Variants in NRG3 observed in about 807,000 individuals in gnomAD.
NRG3 encodes the protein neuregulin 3, also known as pro-neuregulin-3, membrane-bound isoform.
A neutral mutation model predicts 66.9 loss-of-function variants in NRG3; 31 were observed. The ratio of observed to expected loss-of-function variants is 0.46; its 90% CI spans 0.35 to 0.63. NRG3 has a LOEUF of 0.63. Ranked by LOEUF, NRG3 falls within the 20% of genes least tolerant of loss-of-function variation. The pLI is 0.00. For missense variants in NRG3, 910 were observed against 878.9 expected (o/e 1.04, Z -0.45); for synonymous variants, 393 against 359.4 (o/e 1.09, Z -1.06).
chr10:82,433,082 A>G (rs551950508), intron 2 of NRG3, among the ~76,000 whole-genome samples: 127 of 152,196 alleles, frequency 8.3e-4, no homozygotes, highest in Non-Finnish European at 1.0e-3. Flanking sequence ...TTCCACAAAC[A>G]GTGTAAAAGC....
chr10:82,211,859 A>G (rs2075408899), intron 1 of NRG3, among the ~76,000 whole-genome samples: 1 of 152,172 alleles, frequency 6.6e-6, no homozygotes, highest in African/African-American at 2.4e-5. Flanking sequence ...TAGAGGGACC[A>G]TAACACACCC....
chr10:82,967,618 C>T (rs564768655), intron 6 of NRG3, among the ~76,000 whole-genome samples: 6 of 152,252 alleles, frequency 3.9e-5, no homozygotes, highest in East Asian at 3.9e-4. Flanking sequence ...TCCTCTCTTA[C>T]GTGAGACGGA....
At chr10:82,549,571 T>G (rs2044166835) in intron 2 of NRG3, among the ~76,000 whole-genome samples, 1 of 152,212 alleles carries the variant, frequency 6.6e-6, no homozygotes, top group African/African-American at 2.4e-5. Context: ...CCTGAGATTC[T>G]GCTATATTAC....
Position 82,216,573 on chromosome 10 carries a change from G to GGTGT in NRG3, c.824-142147_824-142144dup, listed in dbSNP as rs367590464. On this transcript the variant is annotated intron_variant, in intron 1 of 8. Transcript: ENST00000372141. Reference sequence around the variant, plus strand: ...GTATACATATGTATGTATATATCTGGGTGTGTGTGTGTGTGTGTGTGTATA... The same window carrying GGTGT: ...GTATACATATGTATGTATATATCTGGGTGTGTGTGTGTGTGTGTGTGTGTGTATA... Among the ~76,000 whole-genome samples the GGTGT allele has an allele frequency of 3.2e-3, 381 of 119,444 alleles. 4 individuals carry two copies. In the South Asian group the frequency reaches 0.034, roughly 11 times the overall value. 78.4% of individuals were successfully genotyped at this position (119,444 alleles called of 152,430 possible). A position where few individuals can be genotyped will look rare whatever the true frequency, so the allele number is the denominator to read the frequency against.
intron 4 of NRG3, among the ~76,000 whole-genome samples, chr10:82,867,416 G>T (rs1840861738): frequency 1.3e-5 from 2 of 152,144 alleles, no homozygotes; most frequent in African/African-American, 4.8e-5. Flanking sequence ...ACTTCATTTT[G>T]CTGTAAAAGA....
At chr10:82,762,913 A>G (rs750808140) in intron 3 of NRG3, among the ~76,000 whole-genome samples, 12 of 152,234 alleles carry the variant, frequency 7.9e-5, no homozygotes, top group Admixed American at 4.6e-4. Context: ...CTCTGCCCTC[A>G]TGAATGGATT....
chr10:82,047,976 C>G (rs11192299), intron 1 of NRG3, among the ~76,000 whole-genome samples: 21,866 of 151,622 alleles, frequency 0.14, 1,907 homozygotes, highest in East Asian at 0.27. Flanking sequence ...AGAGTTTAAA[C>G]CAACAAAGAT....
At chr10:82,368,553 C>T (rs951013307) in intron 2 of NRG3, among the ~76,000 whole-genome samples, 9 of 137,654 alleles carry the variant, frequency 6.5e-5, no homozygotes, top group Non-Finnish European at 1.0e-4. Context: ...ACAGTTTAGG[C>T]CATTCCTGCT....
intron 1 of NRG3, among the ~76,000 whole-genome samples, chr10:82,037,945 T>A (rs1278989055): frequency 1.3e-5 from 2 of 150,004 alleles, no homozygotes; most frequent in African/African-American, 4.9e-5. Context: ...GCCTCAAAAG[T>A]CGTGGAAAGG....
chr10:82,792,672 G>T (rs982584712), intron 3 of NRG3, among the ~76,000 whole-genome samples: 1 of 151,664 alleles, frequency 6.6e-6, no homozygotes, highest in Admixed American at 6.6e-5. Flanking sequence ...TTTTAATTGA[G>T]GGTTTTTATT....
chr10:82,145,300 C>A (rs2132694221), intron 1 of NRG3, among the ~76,000 whole-genome samples: 1 of 152,230 alleles, frequency 6.6e-6, no homozygotes, highest in South Asian at 2.1e-4. Context: ...TGTGAAAATT[C>A]AAATAATTAC....
At chr10:82,855,366 C>T (rs1030476740) in intron 3 of NRG3, among the ~76,000 whole-genome samples, 1 of 151,998 alleles carries the variant, frequency 6.6e-6, no homozygotes, top group Non-Finnish European at 1.5e-5. Flanking sequence ...CTATTTTATT[C>T]TAACCCTTCC....
chr10:82,386,610 GTATGATTGACCCA>G (rs2086007461), intron 2 of NRG3, among the ~76,000 whole-genome samples: 1 of 152,026 alleles, frequency 6.6e-6, no homozygotes, highest in Non-Finnish European at 1.5e-5. Context: ...TCATGAAAAA[GTATGATTGACCCA>G]TATTGAAGAT....
chr10:82,602,863 A>G (rs537616098), intron 2 of NRG3, among the ~76,000 whole-genome samples: 34 of 152,288 alleles, frequency 2.2e-4, no homozygotes, highest in African/African-American at 7.7e-4. Context: ...AGGCCTTTGG[A>G]ATGACAGGAG....
chr10:82,718,984 G>GA (rs1212324922), intron 2 of NRG3, among the ~76,000 whole-genome samples: 1 of 152,192 alleles, frequency 6.6e-6, no homozygotes, highest in African/African-American at 2.4e-5. Context: ...GGCACAGAAT[G>GA]AAAAAACTAG....
chr10:82,511,161 T>C (rs566644787), intron 2 of NRG3, among the ~76,000 whole-genome samples: 32 of 152,170 alleles, frequency 2.1e-4, no homozygotes, highest in Non-Finnish European at 4.1e-4. Flanking sequence ...GGGAAAGCAT[T>C]TTCTGACATT....
At chr10:82,694,528 G>A (rs1408910475) in intron 2 of NRG3, among the ~76,000 whole-genome samples, 3 of 152,150 alleles carry the variant, frequency 2.0e-5, no homozygotes, top group African/African-American at 7.2e-5. Flanking sequence ...GTCAAGGCCA[G>A]CAGATTGTTT....
chr10:82,558,384 A>C (rs2044791631), intron 2 of NRG3, among the ~76,000 whole-genome samples: 1 of 152,080 alleles, frequency 6.6e-6, no homozygotes, highest in African/African-American at 2.4e-5. Context: ...AGTTATAGAA[A>C]ACCTCCTAAA....
chr10:82,450,447 C>T (rs751547994), intron 2 of NRG3, among the ~76,000 whole-genome samples: 2 of 152,166 alleles, frequency 1.3e-5, no homozygotes, highest in Non-Finnish European at 2.9e-5. Context: ...CTCAGCTTCT[C>T]CTTGGTGGGA....
Sources: allele counts gnomAD v4.1 joint callset (sites outside exome capture counted in the v4.1 genomes callset), GRCh38; gene constraint gnomAD v4.1.1; transcripts MANE v1.5; gene names NCBI Gene and HGNC (gene_info 2026-07-23, HGNC 2026-07-21).